Variants in SIAH2 observed in about 807,000 individuals in gnomAD.
The protein encoded by SIAH2 is siah E3 ubiquitin protein ligase 2, also known as E3 ubiquitin-protein ligase SIAH2.
A neutral mutation model predicts 20.4 loss-of-function variants in SIAH2; 4 were observed. The ratio of observed to expected loss-of-function variants is 0.20; its 90% CI spans 0.10 to 0.45. The LOEUF is 0.45. SIAH2 is among the 20% of genes least tolerant of loss of function. The pLI is 0.99. For synonymous variants in SIAH2, 171 were observed against 192.5 expected, an observed-to-expected ratio of 0.89 and a Z score of 0.93; for missense variants, 259 against 440.3, an observed-to-expected ratio of 0.59 and a Z score of 3.69.
At chr3:150,752,229 T>C (rs1478947306) in intron 1 of SIAH2, among the ~76,000 whole-genome samples, 1 of 152,216 alleles carries the variant, frequency 6.6e-6, no homozygotes, top group East Asian at 1.9e-4. Flanking sequence ...TGACAGTTCT[T>C]CAAACAGCTC....
At chr3:150,747,041 C>T (rs1334827630) in intron 1 of SIAH2, among the ~76,000 whole-genome samples, 1 of 152,194 alleles carries the variant, frequency 6.6e-6, no homozygotes, top group Non-Finnish European at 1.5e-5. Flanking sequence ...GGCTGCCCCG[C>T]CAGGGTTCTT....
chr3:150,747,161 C>CA (rs1462277680), intron 1 of SIAH2, among the ~76,000 whole-genome samples: 1 of 152,354 alleles, frequency 6.6e-6, no homozygotes, highest in African/African-American at 2.4e-5. Context: ...ACATAAAACT[C>CA]AGAGTCCACA....
intron 1 of SIAH2, among the ~76,000 whole-genome samples, chr3:150,752,073 CCTTTCAAAGTGCATGTTCAA>C (rs958151140): frequency 1.3e-5 from 2 of 152,150 alleles, no homozygotes; most frequent in Admixed American, 1.3e-4. Flanking sequence ...TTTGTGAGGT[CCTTTCAAAGTGCATGTTCAA>C]GCAAACAAAA....
intron 1 of SIAH2, among the ~76,000 whole-genome samples, chr3:150,749,835 A>C (rs1388730372): frequency 2.6e-5 from 4 of 152,104 alleles, no homozygotes; most frequent in Non-Finnish European, 5.9e-5. Flanking sequence ...ATCCTTCTAA[A>C]GGTTTGCGGG....
intron 1 of SIAH2, among the ~76,000 whole-genome samples, chr3:150,752,771 G>A (rs1714400024): frequency 6.6e-6 from 1 of 152,160 alleles, no homozygotes; most frequent in African/African-American, 2.4e-5. Context: ...CCTAATAAGA[G>A]GACCTGCTGG....
chr3:150,751,933 C>T (rs1714378188), intron 1 of SIAH2, among the ~76,000 whole-genome samples: 1 of 152,126 alleles, frequency 6.6e-6, no homozygotes, highest in African/African-American at 2.4e-5. Flanking sequence ...TACAGAGACT[C>T]CCAGGGCTGG....
chr3:150,755,969 C>CTGTA (rs1386004129), intron 1 of SIAH2, among the ~76,000 whole-genome samples: 2 of 152,208 alleles, frequency 1.3e-5, no homozygotes, highest in Non-Finnish European at 2.9e-5. Flanking sequence ...TTTCATCCAT[C>CTGTA]TGTATATCAC....
intron 1 of SIAH2, among the ~76,000 whole-genome samples, chr3:150,758,779 G>A (rs1290612035): frequency 7.5e-6 from 1 of 132,964 alleles, no homozygotes; most frequent in African/African-American, 2.9e-5. Context: ...TTTCACTCTT[G>A]TTGCCCAGGC....
intron 1 of SIAH2, among the ~76,000 whole-genome samples, chr3:150,753,316 T>C (rs1224960501): frequency 6.6e-6 from 1 of 151,970 alleles, no homozygotes. Context: ...AGAGTGAGTA[T>C]GATGTAAAGT....
chr3:150,743,976 G>A (rs1424389254), intron 1 of SIAH2, among the ~76,000 whole-genome samples: 1 of 151,324 alleles, frequency 6.6e-6, no homozygotes, highest in Non-Finnish European at 1.5e-5. Context: ...ATAAGGGCAA[G>A]GCCAGGTCAT....
chr3:150,742,488 T>C lies in SIAH2; in HGVS notation c.628A>G (p.Ile210Val). Residue 210 changes from isoleucine (I) to valine (V), a missense_variant, in exon 2 of 2, where the codon ATT (isoleucine) becomes GTT (valine). Physicochemically the swap from Ile to Val is conservative, Grantham distance 29. Coordinates refer to ENST00000312960, the MANE Select transcript of SIAH2 (RefSeq NM_005067.7). This position sits in a 1 kb window ranked among gnomAD's most constrained non-coding sequence, Gnocchi z 4.8. ...CAGTCGACAGCCCCTGGCAAGTTAA[T>C]GTCTGTAGCTAGAAAGACGATGTCT... Reference protein sequence around the residue: ...GEDIVFLATDINLPGAVDWVM... With the variant: ...GEDIVFLATDVNLPGAVDWVM... 3 of 1,614,210 alleles carry C rather than the reference T, an allele frequency of 1.9e-6. No individual in the cohort carries two copies. The highest frequency in any genetic ancestry group is 2.5e-6 in the Non-Finnish European group (3 of 1,180,036).
chr3:150,762,925 C>G lies in SIAH2; in HGVS notation c.-76G>C. The G allele has an allele frequency of 9.0e-6, 10 of 1,116,436 alleles. No individual in the cohort carries two copies. Among genetic ancestry groups the G allele is most frequent in the Non-Finnish European group, 1.1e-5 (10 of 906,354 alleles). 69.2% of individuals were successfully genotyped at this position (1,116,436 alleles called of 1,614,324 possible). On this transcript the variant is annotated 5_prime_UTR_variant, in exon 1 of 2. Transcript: ENST00000312960. The surrounding 1 kb of genome is among the most constrained non-coding windows in gnomAD (Gnocchi z 6.6). ...GCCCGGGTCAAGGCGGTGCGCGCCC[C>G]GCGGGCAGCGAGCTCCGAGGCAACG... is the stretch of plus-strand genomic sequence containing the variant.
chr3:150,755,322 C>CTT lies in SIAH2; in HGVS notation c.417+7109_417+7110dup, dbSNP rs386398232. ...AATATTTTTCTTTTTCTTTTCTTCCCTTTTTTTTTTTTTTTTTTTTTTTTT... is the reference window on the plus strand; with the variant it reads ...AATATTTTTCTTTTTCTTTTCTTCCCTTTTTTTTTTTTTTTTTTTTTTTTTTT... On this transcript the variant is annotated intron_variant, in intron 1 of 1. Transcript: ENST00000312960. 8.9e-4 allele frequency among the ~76,000 whole-genome samples: 71 copies of CTT among 80,194 alleles called. 1 individual carries two copies. The highest frequency in any genetic ancestry group is 1.2e-3 in the Non-Finnish European group (52 of 45,134). 52.6% of individuals were successfully genotyped at this position (80,194 alleles called of 152,430 possible).
In SIAH2 at chr3:150,762,727, C is replaced by G. The variant is rs2108128659; in HGVS notation, c.123G>C (p.Ala41=). The G allele has an allele frequency of 8.4e-7, 1 of 1,189,700 alleles. No individual in the cohort carries two copies. Among genetic ancestry groups the G allele is most frequent in the African/African-American group, 1.6e-5 (1 of 61,684 alleles). 73.7% of individuals were successfully genotyped at this position (1,189,700 alleles called of 1,614,324 possible). ...APPAAATISA[A]GPGSSAVPAA... The stretch of plus-strand genomic sequence containing the variant: ...CGGGCACCGCGGACGAGCCGGGGCC[C>G]GCAGCCGAGATGGTGGCGGCGGCCG... The change falls in exon 1 of 2, where the codon GCG becomes GCC. Residue 41 remains alanine (A), a synonymous_variant. Transcript: ENST00000312960. This position sits in a 1 kb window ranked among gnomAD's most constrained non-coding sequence, Gnocchi z 6.6.
In SIAH2 at chr3:150,756,412, T is replaced by A. The variant is rs141786790; in HGVS notation, c.417+6021A>T. 1.6e-4 allele frequency among the ~76,000 whole-genome samples: 25 copies of A among 152,316 alleles called. 1 individual carries two copies. The highest frequency in any genetic ancestry group is 4.6e-4 in the African/African-American group (19 of 41,588). On this transcript the variant is annotated intron_variant, in intron 1 of 1. Transcript: ENST00000312960. ...AAGAACGGCCATGTCTCACAAATTT[T>A]GTCAGAAGCAAAATCTGATGCTTAA... is the stretch of plus-strand genomic sequence containing the variant.
At chr3:150,751,106 T>G (rs1714348640) in intron 1 of SIAH2, among the ~76,000 whole-genome samples, 1 of 152,172 alleles carries the variant, frequency 6.6e-6, no homozygotes, top group Admixed American at 6.5e-5. Flanking sequence ...ACTTGAATGG[T>G]AAATTCCTGA....
At chr3:150,758,409 T>C (rs1714530388) in intron 1 of SIAH2, among the ~76,000 whole-genome samples, 1 of 151,994 alleles carries the variant, frequency 6.6e-6, no homozygotes. Context: ...GTTGTTGATA[T>C]GAATGTGTCA....
At chr3:150,743,751 A>T (rs986703269) in intron 1 of SIAH2, among the ~76,000 whole-genome samples, 2 of 152,186 alleles carry the variant, frequency 1.3e-5, no homozygotes, top group Non-Finnish European at 2.9e-5. Context: ...CACAAGGATG[A>T]CAGTGTTAAT....
At position 150,745,671 on chromosome 3, in the gene SIAH2, A is replaced by G. The variant is rs566939677; in HGVS notation, c.418-2973T>C. On this transcript the variant is annotated intron_variant, in intron 1 of 1. Coordinates refer to ENST00000312960, the MANE Select transcript of SIAH2 (RefSeq NM_005067.7). ...CCACCACACCCAGCTAATTTTTTGT[A>G]TTTTTAGTAGAGACGGGGTCTCACC... Among the ~76,000 whole-genome samples the G allele has an allele frequency of 1.3e-3, 197 of 151,660 alleles. 1 individual carries two copies. Among genetic ancestry groups the G allele is most frequent in the African/African-American group, 4.5e-3 (185 of 41,250 alleles).
Sources: gnomAD v4.1 joint callset for allele counts (sites outside exome capture counted in the v4.1 genomes callset) on GRCh38, gnomAD v4.1.1 for gene constraint, Gnocchi (gnomAD v3.1) non-coding constraint, MANE v1.5 for transcripts, NCBI Gene and HGNC (gene_info 2026-07-23, HGNC 2026-07-21) for gene names.